DNAJC10: variants seen among roughly 807,000 people sequenced by gnomAD.
The protein encoded by DNAJC10 is endoplasmic reticulum disulfide reductase DNAJC10.
Under a neutral mutation model 115.0 loss-of-function variants are expected in DNAJC10, and 101 were observed. The ratio of observed to expected loss-of-function variants is 0.88; its 90% CI spans 0.75 to 1.04. DNAJC10 has a LOEUF of 1.04. DNAJC10 is among the 50% of genes least tolerant of loss of function. DNAJC10 has a pLI of 0.00. For synonymous variants in DNAJC10, 307 were observed against 301.5 expected, an observed-to-expected ratio of 1.02 and a Z score of -0.19; for missense variants, 981 against 928.8, an observed-to-expected ratio of 1.06 and a Z score of -0.73.
intron 22 of DNAJC10, among the ~76,000 whole-genome samples, chr2:182,769,213 T>A (rs1447627712): frequency 7.2e-5 from 11 of 152,206 alleles, no homozygotes; most frequent in Non-Finnish European, 2.9e-5. Flanking sequence ...ATTTTCTTAA[T>A]CCAGTCTATC....
intron 13 of DNAJC10, among the ~76,000 whole-genome samples, chr2:182,742,756 T>A (rs189694270): frequency 6.6e-6 from 1 of 152,314 alleles, no homozygotes; most frequent in African/African-American, 2.4e-5. Context: ...TATTAACAAA[T>A]CATAATTGTT....
rs1254000965 is a variant in DNAJC10, at chr2:182,739,814, CTTAA to C, written c.988-479_988-476del. ...TCCAATTTTCCACTTCTAAGTTCCTCTTAATTAATCTTAATTATTGGTTGGGGAA... is the reference window on the plus strand; with the variant it reads ...TCCAATTTTCCACTTCTAAGTTCCTCTTAATCTTAATTATTGGTTGGGGAA... On this transcript the variant is annotated intron_variant, in intron 11 of 23. Transcript: ENST00000264065. 6 of 992,444 alleles carry C rather than the reference CTTAA, an allele frequency of 6.0e-6. No individual in the cohort carries two copies. The African/African-American group carries it at 8.7e-5, about 14-fold the overall frequency. The allele number at this position is 992,444 out of a possible 1,614,324, so 61.5% of individuals were successfully genotyped here.
chr2:182,760,623 G>A (rs288332), intron 21 of DNAJC10, among the ~76,000 whole-genome samples: 103,299 of 151,930 alleles, frequency 0.68, 35,806 homozygotes, highest in African/African-American at 0.8. Context: ...TCTTTCTGTC[G>A]TAACAGTCTT....
At position 182,740,535 on chromosome 2, in the gene DNAJC10, G is replaced by A. The variant is rs1693707190; in HGVS notation, c.1077+147G>A. The A allele has an allele frequency of 4.1e-6, 3 of 729,454 alleles. No individual in the cohort carries two copies. In the South Asian group the frequency reaches 8.6e-5, roughly 21 times the overall value. The allele number at this position is 729,454 out of a possible 1,614,324, so 45.2% of individuals were successfully genotyped here. ...AGGATTATATATTAGTCAATTGTAG[G>A]TTAAATTCTAATTGGATATCTGGTG... On this transcript the variant is annotated intron_variant, in intron 12 of 23. Coordinates refer to ENST00000264065, the MANE Select transcript of DNAJC10 (RefSeq NM_018981.4).
At chr2:182,748,582 T>G (rs995880844) in intron 14 of DNAJC10, among the ~76,000 whole-genome samples, 2 of 152,194 alleles carry the variant, frequency 1.3e-5, no homozygotes, top group African/African-American at 4.8e-5. Context: ...TGATATCCCC[T>G]TTATCATTTT....
At chr2:182,728,734 C>A (rs1220304759) in intron 6 of DNAJC10, 76 bp downstream of exon 6, 2 of 1,414,852 alleles carry the variant, frequency 1.4e-6, no homozygotes, top group Non-Finnish European at 2.0e-6. Flanking sequence ...ATTTTTTTTT[C>A]TATGAATAGT....
At position 182,777,432 on chromosome 2, in the gene DNAJC10, T is replaced by C. The variant is rs1046435006; in HGVS notation, c.*300T>C. On this transcript the variant is annotated 3_prime_UTR_variant, in exon 24 of 24. Transcript: ENST00000264065. ...TGCTTTTAACAACCTTTAAAAAATA[T>C]TAAAACGATTCTTAGCTCAGAGCCA... 2 of 201,312 alleles carry C rather than the reference T, an allele frequency of 9.9e-6. No homozygotes were observed. The highest frequency in any genetic ancestry group is 2.0e-5 in the Non-Finnish European group (2 of 100,062). 12.5% of individuals were successfully genotyped at this position (201,312 alleles called of 1,614,324 possible).
intron 21 of DNAJC10, among the ~76,000 whole-genome samples, chr2:182,760,433 G>C (rs764464499): frequency 2.6e-5 from 4 of 152,080 alleles, no homozygotes; most frequent in African/African-American, 9.7e-5. Context: ...GGTTTTGTTC[G>C]GTTGGTTGGT....
intron 11 of DNAJC10, 105 bp downstream of exon 11, chr2:182,736,491 T>C (rs1693588433): frequency 1.3e-6 from 1 of 764,694 alleles, no homozygotes; most frequent in Admixed American, 4.2e-5. Context: ...ACAATTTATA[T>C]TGTCTGATTG....
rs1187308204 is a variant in DNAJC10, at chr2:182,780,851, A to ATCC, written c.*3720_*3721insCCT. ...CAGAAATGCATCTTTCAACCACTTG[A>ATCC]TTGCATTAAGTAGTCATTTGAGTGC... On this transcript the variant is annotated 3_prime_UTR_variant, in exon 24 of 24. Coordinates refer to ENST00000264065, the MANE Select transcript of DNAJC10 (RefSeq NM_018981.4). The ATCC allele has an allele frequency of 6.6e-6, 1 of 152,112 alleles. No individual in the cohort carries two copies. The highest frequency in any genetic ancestry group is 1.5e-5 in the Non-Finnish European group (1 of 68,014). 9.4% of individuals were successfully genotyped at this position (152,112 alleles called of 1,614,324 possible). A position where few individuals can be genotyped will look rare whatever the true frequency, so the allele number is the denominator to read the frequency against.
Position 182,718,069 on chromosome 2 carries a change from A to C in DNAJC10, c.-18A>C, listed in dbSNP as rs750194062. ...AATCTTAATGTTCACTTAAATCAGA[A>C]CTTGCATAAGAAAGAGAATGGGAGT... On this transcript the variant is annotated 5_prime_UTR_variant, in exon 3 of 24. Coordinates refer to ENST00000264065, the MANE Select transcript of DNAJC10 (RefSeq NM_018981.4). 5.1e-6 allele frequency: 8 copies of C among 1,566,044 alleles called. No individual in the cohort carries two copies. In the South Asian group the frequency reaches 9.5e-5, roughly 19 times the overall value.
At chr2:182,773,281 A>T (rs547729982) in intron 22 of DNAJC10, among the ~76,000 whole-genome samples, 3 of 152,158 alleles carry the variant, frequency 2.0e-5, no homozygotes, top group Admixed American at 1.3e-4. Flanking sequence ...CCTTCATATC[A>T]ACCTTGGTGG....
intron 17 of DNAJC10, among the ~76,000 whole-genome samples, chr2:182,755,398 T>A (rs1694131922): frequency 6.6e-6 from 1 of 151,790 alleles, no homozygotes; most frequent in Non-Finnish European, 1.5e-5. Context: ...CCCTTTGCAC[T>A]GTTTTCTCTG....
intron 4 of DNAJC10, among the ~76,000 whole-genome samples, chr2:182,720,382 A>G (rs868266966): frequency 1.3e-5 from 2 of 152,324 alleles, no homozygotes; most frequent in Middle Eastern, 3.4e-3. Flanking sequence ...CTTGTTAAAT[A>G]CTTTTAAAAT....
intron 5 of DNAJC10, among the ~76,000 whole-genome samples, chr2:182,723,930 G>C (rs973866730): frequency 2.6e-5 from 4 of 152,176 alleles, no homozygotes; most frequent in African/African-American, 9.6e-5. Flanking sequence ...GGAATGAGCA[G>C]GAGCATTGTT....
chr2:182,729,064 C>A (rs1693369400), intron 7 of DNAJC10, 70 bp downstream of exon 7: 1 of 1,474,160 alleles, frequency 6.8e-7, no homozygotes, highest in Non-Finnish European at 9.4e-7. Flanking sequence ...GAGAAAATAA[C>A]AGTATGTAGA....
intron 5 of DNAJC10, among the ~76,000 whole-genome samples, chr2:182,726,884 A>G (rs940722940): frequency 3.4e-5 from 5 of 147,282 alleles, no homozygotes; most frequent in Non-Finnish European, 4.4e-5. Flanking sequence ...GGCATGTGCC[A>G]CCATGTCCAG....
At chr2:182,718,720 T>C (rs1693064297) in intron 3 of DNAJC10, among the ~76,000 whole-genome samples, 1 of 152,252 alleles carries the variant, frequency 6.6e-6, no homozygotes, top group South Asian at 2.1e-4. Context: ...GACTGTTTTC[T>C]TCTGTGTATG....
At chr2:182,765,153 C>T (rs1042234713) in intron 22 of DNAJC10, among the ~76,000 whole-genome samples, 2 of 151,990 alleles carry the variant, frequency 1.3e-5, no homozygotes, top group Non-Finnish European at 2.9e-5. Context: ...AGTTTGCAAA[C>T]TTAGTATCCC....
Sources: gnomAD v4.1 joint callset for allele counts (sites outside exome capture counted in the v4.1 genomes callset) on GRCh38, gnomAD v4.1.1 for gene constraint, MANE v1.5 for transcripts, NCBI Gene and HGNC (gene_info 2026-07-23, HGNC 2026-07-21) for gene names.